Variants in STPG2 observed in about 807,000 individuals in gnomAD.
STPG2 encodes sperm tail PG-rich repeat containing 2, also known as sperm-tail PG-rich repeat-containing protein 2.
STPG2 carries 56 observed loss-of-function variants against 54.2 expected under a neutral mutation model. The observed-to-expected ratio is 1.03, with a 90% confidence interval of 0.83 to 1.29. The LOEUF is 1.29. Ranked by LOEUF, STPG2 falls within the 50% of genes most tolerant of loss-of-function variation. The pLI, the probability that STPG2 is intolerant of heterozygous loss-of-function variation, is 0.00. For missense variants in STPG2, 596 were observed against 544.9 expected, an observed-to-expected ratio of 1.09 and a Z score of -0.93; for synonymous variants, 200 against 181.8, an observed-to-expected ratio of 1.10 and a Z score of -0.81.
At chr4:97,617,129 A>AGT (rs34498683) in intron 10 of STPG2, among the ~76,000 whole-genome samples, 93,922 of 149,674 alleles carry the variant, frequency 0.63, 30,080 homozygotes, top group African/African-American at 0.78. Context: ...TATAATTTAA[A>AGT]GTGTGTGTGT....
rs1033293366 is a variant in STPG2 at position 97,821,789 on chromosome 4, G to A, written c.1204+18984C>T. On this transcript the variant is annotated intron_variant, in intron 9 of 10. Transcript: ENST00000295268. ...CTGAGCTATACCTGAGGCCCTATGA[G>A]CTGAGGCTTGGTCTGAGTGGCCTGA... is the stretch of plus-strand genomic sequence containing the variant. Among the ~76,000 whole-genome samples the A allele has an allele frequency of 2.0e-5, 3 of 152,272 alleles. No homozygotes were observed. In the South Asian group the frequency reaches 6.2e-4, roughly 32 times the overall value.
chr4:97,686,324 T>G (rs1723187927), intron 10 of STPG2, among the ~76,000 whole-genome samples: 1 of 152,072 alleles, frequency 6.6e-6, no homozygotes, highest in Non-Finnish European at 1.5e-5. Flanking sequence ...TCATTTGATT[T>G]TTTGCCCCAC....
intron 10 of STPG2, among the ~76,000 whole-genome samples, chr4:97,644,650 A>T (rs1578449758): frequency 6.6e-6 from 1 of 151,958 alleles, no homozygotes; most frequent in African/African-American, 2.4e-5. Flanking sequence ...GAGTTTGGGA[A>T]CCCGAAACAT....
chr4:97,675,056 T>C (rs1287003280), intron 10 of STPG2, among the ~76,000 whole-genome samples: 1 of 152,050 alleles, frequency 6.6e-6, no homozygotes, highest in African/African-American at 2.4e-5. Flanking sequence ...CAGGCTGGAG[T>C]GCAATGGTGC....
intron 5 of STPG2, among the ~76,000 whole-genome samples, chr4:98,018,164 C>T (rs1012253071): frequency 2.0e-5 from 3 of 151,994 alleles, no homozygotes; most frequent in African/African-American, 7.3e-5. Context: ...GCTATCCCTC[C>T]CCCCATCCCC....
chr4:97,882,038 A>C (rs575680867), intron 8 of STPG2, among the ~76,000 whole-genome samples: 146 of 152,122 alleles, frequency 9.6e-4, no homozygotes, highest in South Asian at 1.7e-3. Flanking sequence ...CACACACACA[A>C]AAAAAATACC....
chr4:98,128,104 A>G (rs938192803), intron 3 of STPG2, among the ~76,000 whole-genome samples: 1 of 152,128 alleles, frequency 6.6e-6, no homozygotes, highest in Non-Finnish European at 1.5e-5. Flanking sequence ...TCCAAGCATA[A>G]TTCCCCATCC....
intron 5 of STPG2, among the ~76,000 whole-genome samples, chr4:98,078,524 A>G (rs1300374002): frequency 1.3e-5 from 2 of 151,920 alleles, no homozygotes; most frequent in African/African-American, 2.4e-5. Context: ...AGTGGCTGGC[A>G]CTTGTGGTGA....
intron 4 of STPG2, among the ~76,000 whole-genome samples, chr4:97,443,086 T>C (rs888800950): frequency 6.6e-6 from 1 of 152,094 alleles, no homozygotes; most frequent in Non-Finnish European, 1.5e-5. Flanking sequence ...TTAAACCTAT[T>C]TAACTGAATG....
chr4:97,828,999 G>T (rs983360829), intron 9 of STPG2, among the ~76,000 whole-genome samples: 4 of 152,156 alleles, frequency 2.6e-5, no homozygotes, highest in Admixed American at 6.5e-5. Context: ...AGCAGATCTC[G>T]AAGCACAGCG....
At chr4:97,910,103 T>G (rs1321585810) in intron 8 of STPG2, among the ~76,000 whole-genome samples, 2 of 152,292 alleles carry the variant, frequency 1.3e-5, no homozygotes, top group Admixed American at 6.5e-5. Context: ...ATCCTGCCCC[T>G]TCCCCACCAA....
rs981131333 is a variant in STPG2, at chr4:97,870,518, A to T, written c.1045-29586T>A. On this transcript the variant is annotated intron_variant, in intron 8 of 10. Coordinates refer to ENST00000295268, the MANE Select transcript of STPG2 (RefSeq NM_174952.3). ...GGCAAATGTAATCAACATTATAATAAAAAGTCTGTGATCATAATATTATAA... is the reference window on the plus strand; with the variant it reads ...GGCAAATGTAATCAACATTATAATATAAAGTCTGTGATCATAATATTATAA... Among the ~76,000 whole-genome samples, 7 of 151,464 alleles carry T rather than the reference A, an allele frequency of 4.6e-5. No individual in the cohort carries two copies. In the Admixed American group the frequency reaches 4.6e-4, roughly 10 times the overall value.
chr4:97,448,849 A>G (rs2148796348), intron 4 of STPG2, among the ~76,000 whole-genome samples: 1 of 152,284 alleles, frequency 6.6e-6, no homozygotes, highest in South Asian at 2.1e-4. Flanking sequence ...GTTACATTAA[A>G]TGTTCTCTTC....
intron 8 of STPG2, among the ~76,000 whole-genome samples, chr4:97,842,694 T>A (rs1197375528): frequency 6.6e-6 from 1 of 151,934 alleles, no homozygotes; most frequent in Non-Finnish European, 1.5e-5. Flanking sequence ...CAGTGATCAG[T>A]GTTCTTCAAC....
intron 4 of STPG2, among the ~76,000 whole-genome samples, chr4:97,495,949 A>G (rs1730603169): frequency 1.3e-5 from 2 of 151,598 alleles, no homozygotes; most frequent in South Asian, 4.1e-4. Context: ...TACTATTGTG[A>G]GAAGAAAGAA....
chr4:97,981,881 T>C (rs1195681933), intron 5 of STPG2, among the ~76,000 whole-genome samples: 1 of 146,800 alleles, frequency 6.8e-6, no homozygotes, highest in Non-Finnish European at 1.5e-5. Context: ...GATATAGCAC[T>C]GTATAATCTT....
intron 8 of STPG2, among the ~76,000 whole-genome samples, chr4:97,889,656 CT>C (rs1214196707): frequency 1.3e-5 from 2 of 152,016 alleles, no homozygotes; most frequent in African/African-American, 4.8e-5. Context: ...TTACTAATGG[CT>C]GGTAGTAAGG....
intron 5 of STPG2, among the ~76,000 whole-genome samples, chr4:97,985,065 A>G (rs1251744407): frequency 6.6e-6 from 1 of 152,106 alleles, no homozygotes; most frequent in Non-Finnish European, 1.5e-5. Flanking sequence ...AGTACAACAT[A>G]TATGTTCTTT....
At chr4:97,551,506 C>A (rs1317328359) in intron 4 of STPG2, among the ~76,000 whole-genome samples, 1 of 152,104 alleles carries the variant, frequency 6.6e-6, no homozygotes, top group Non-Finnish European at 1.5e-5. Context: ...CAACATTATG[C>A]CATTTCTGAT....
Sources: gnomAD v4.1 joint callset for allele counts (sites outside exome capture counted in the v4.1 genomes callset) on GRCh38, gnomAD v4.1.1 for gene constraint, MANE v1.5 for transcripts, NCBI Gene and HGNC (gene_info 2026-07-23, HGNC 2026-07-21) for gene names.